The following HGSNAT variants were observed in gnomAD, a reference collection of about 807,000 sequenced individuals.
HGSNAT encodes transmembrane protein 76.
HGSNAT carries 59 observed loss-of-function variants against 85.2 expected under a neutral mutation model. The observed-to-expected ratio is 0.69, with a 90% confidence interval of 0.56 to 0.86. The LOEUF is 0.86. HGSNAT is among the 40% of genes least tolerant of loss of function. HGSNAT has a pLI of 0.00. For synonymous variants in HGSNAT, 321 were observed against 304.5 expected (o/e 1.05, Z -0.56); for missense variants, 756 against 777.1 (o/e 0.97, Z 0.32).
Position 43,158,727 on chromosome 8 carries a change from G to A in HGSNAT, c.371+16G>A. The A allele has an allele frequency of 6.3e-7, 1 of 1,578,884 alleles. No individual in the cohort carries two copies. Among genetic ancestry groups the A allele is most frequent in the Non-Finnish European group, 8.6e-7 (1 of 1,164,962 alleles). ...AAGTTTGTAGGTTTGTGCCTGCTTT[G>A]TTGTGATCTAAGTGAAGTCTGCATT... On this transcript the variant is annotated intron_variant, in intron 3 of 17. Coordinates refer to ENST00000379644, the MANE Select transcript of HGSNAT (RefSeq NM_152419.3).
chr8:43,158,428 A>G, intron 2 of HGSNAT, 147 bp from the exon 3 acceptor site: 1 of 787,924 alleles, frequency 1.3e-6, no homozygotes, highest in Non-Finnish European at 2.0e-6. Context: ...AATAATAGGT[A>G]AATTTAAATT....
Position 43,201,510 on chromosome 8 carries a change from A to T in HGSNAT, c.*1941A>T, listed in dbSNP as rs1430328618. ...CCTTCCCCGATTACATTTTCCTCTG[A>T]ATTTTTTCCTATCTACATTTGATCT... On this transcript the variant is annotated 3_prime_UTR_variant, in exon 18 of 18. Transcript: ENST00000379644. The surrounding 1 kb of genome is among the most constrained non-coding windows in gnomAD (Gnocchi z 4.4). The T allele has an allele frequency of 1.3e-5, 2 of 152,144 alleles. No homozygotes were observed. The highest frequency in any genetic ancestry group is 3.2e-3 in the Middle Eastern group (1 of 316). The allele number at this position is 152,144 out of a possible 1,614,324, so 9.4% of individuals were successfully genotyped here.
chr8:43,180,094 G>A (rs1424742477), intron 10 of HGSNAT, among the ~76,000 whole-genome samples: 2 of 67,184 alleles, frequency 3.0e-5, no homozygotes, highest in African/African-American at 4.6e-5. Flanking sequence ...GGACGGGGCG[G>A]CTGGCCGACC....
Position 43,146,863 on chromosome 8 carries a change from A to G in HGSNAT, c.119-85A>G, listed in dbSNP as rs546375349. On this transcript the variant is annotated intron_variant, in intron 1 of 17. Coordinates refer to ENST00000379644, the MANE Select transcript of HGSNAT (RefSeq NM_152419.3). ...CTTTTGAGAAGCACTACTGGAAGCA[A>G]CTGTTCACACGAATGTACTTTGTCT... 9 of 734,896 alleles carry G rather than the reference A, an allele frequency of 1.2e-5. No individual in the cohort carries two copies. The East Asian group carries it at 1.6e-4, about 13-fold the overall frequency. The allele number at this position is 734,896 out of a possible 1,614,324, so 45.5% of individuals were successfully genotyped here.
At chr8:43,179,474 C>T (rs1383220625) in intron 10 of HGSNAT, among the ~76,000 whole-genome samples, 6 of 107,778 alleles carry the variant, frequency 5.6e-5, no homozygotes, top group South Asian at 3.5e-4. Flanking sequence ...CCGGACGGGG[C>T]GGCCGGCCGG....
At chr8:43,176,521 C>A (rs1261315218) in intron 9 of HGSNAT, among the ~76,000 whole-genome samples, 1 of 152,132 alleles carries the variant, frequency 6.6e-6, no homozygotes, top group Non-Finnish European at 1.5e-5. Flanking sequence ...ATAACTTTGG[C>A]TACGCTGGGT....
intron 2 of HGSNAT, among the ~76,000 whole-genome samples, chr8:43,154,768 C>G (rs1259758649): frequency 1.3e-5 from 2 of 152,200 alleles, no homozygotes; most frequent in Non-Finnish European, 2.9e-5. Context: ...AATCGCCACA[C>G]CGACTTCCAC....
At chr8:43,158,485 C>A in intron 2 of HGSNAT, 90 bp from the exon 3 acceptor site, 1 of 1,335,126 alleles carries the variant, frequency 7.5e-7, no homozygotes, top group Non-Finnish European at 1.1e-6. Context: ...AAAGTCATGT[C>A]AGGATCTCCA....
At chr8:43,146,907 GC>G (rs769010043) in intron 1 of HGSNAT, 40 bp from the exon 2 acceptor site, 2 of 977,806 alleles carry the variant, frequency 2.0e-6, no homozygotes, top group East Asian at 5.0e-5. Context: ...TCTTTCGGGT[GC>G]CTTTTTTTTT....
intron 8 of HGSNAT, among the ~76,000 whole-genome samples, chr8:43,173,286 C>T (rs1803690165): frequency 6.6e-6 from 1 of 152,038 alleles, no homozygotes; most frequent in Non-Finnish European, 1.5e-5. Context: ...CACACCACAC[C>T]TGGCCTATGA....
intron 2 of HGSNAT, among the ~76,000 whole-genome samples, chr8:43,156,835 C>T (rs1336395711): frequency 1.3e-5 from 2 of 152,124 alleles, no homozygotes; most frequent in East Asian, 1.9e-4. Flanking sequence ...AGTACAGCTA[C>T]TCTTGACCTT....
At chr8:43,194,349 GATTGCACC>G (rs1025072663) in intron 14 of HGSNAT, 1 of 963,408 alleles carries the variant, frequency 1.0e-6, no homozygotes, top group Non-Finnish European at 1.2e-6. Flanking sequence ...AGTGAGCCTT[GATTGCACC>G]ACTGCACTCC....
chr8:43,193,875 T>A (rs962260075), intron 14 of HGSNAT, 32 bp downstream of exon 14: 1 of 1,605,452 alleles, frequency 6.2e-7, no homozygotes, highest in Non-Finnish European at 8.5e-7. Context: ...TTACTTTTTC[T>A]GACAATTTAT....
chr8:43,155,840 CT>C (rs375946109), intron 2 of HGSNAT, among the ~76,000 whole-genome samples: 3 of 148,552 alleles, frequency 2.0e-5, no homozygotes, highest in African/African-American at 7.4e-5. Context: ...AATGTGTGTC[CT>C]TTTTTTTTTC....
At chr8:43,175,195 G>A (rs1447127296) in intron 9 of HGSNAT, among the ~76,000 whole-genome samples, 1 of 152,126 alleles carries the variant, frequency 6.6e-6, no homozygotes, top group Admixed American at 6.5e-5. Context: ...ATAAAGATGG[G>A]AGTATCTCTT....
chr8:43,184,441 G>A (rs1804238222), intron 11 of HGSNAT, among the ~76,000 whole-genome samples: 1 of 152,284 alleles, frequency 6.6e-6, no homozygotes, highest in South Asian at 2.1e-4. Context: ...CTTCTTTTGA[G>A]AAGTGTCTGT....
intron 2 of HGSNAT, among the ~76,000 whole-genome samples, chr8:43,148,280 A>G (rs1033886514): frequency 1.3e-5 from 2 of 151,872 alleles, no homozygotes; most frequent in Non-Finnish European, 2.9e-5. Flanking sequence ...TGCCAAATTG[A>G]GAGCTTCGTT....
intron 10 of HGSNAT, 56 bp from the exon 11 acceptor site, chr8:43,182,089 C>T (rs760367633): frequency 7.7e-6 from 10 of 1,301,150 alleles, no homozygotes; most frequent in African/African-American, 1.5e-5. Context: ...TAATGTTGTC[C>T]TGGGATGAGA....
intron 14 of HGSNAT, chr8:43,196,607 GTGGCTACCATGCT>G: frequency 9.6e-7 from 1 of 1,039,120 alleles, no homozygotes; most frequent in Non-Finnish European, 1.3e-6. Context: ...GAGATGTGGT[GTGGCTACCATGCT>G]TCCCCCGAGC....
Sources: allele counts gnomAD v4.1 joint callset (sites outside exome capture counted in the v4.1 genomes callset), GRCh38; gene constraint gnomAD v4.1.1; non-coding constraint Gnocchi (gnomAD v3.1); transcripts MANE v1.5; gene names NCBI Gene and HGNC (gene_info 2026-07-23, HGNC 2026-07-21).